The following CNTLN variants were observed in gnomAD, a reference collection of about 807,000 sequenced individuals.
The protein encoded by CNTLN is centlein, centrosomal protein.
A neutral mutation model predicts 180.0 loss-of-function variants in CNTLN; 212 were observed. The ratio of observed to expected loss-of-function variants is 1.18; its 90% CI spans 1.05 to 1.32. The LOEUF is 1.32. Among genes scored for constraint, CNTLN ranks in the 40% most tolerant of loss-of-function variants. CNTLN has a pLI of 0.00. For synonymous variants in CNTLN, 722 were observed against 563.1 expected, an observed-to-expected ratio of 1.28 and a Z score of -3.99; for missense variants, 2,095 against 1,610.9, an observed-to-expected ratio of 1.30 and a Z score of -5.14.
chr9:17,178,299 C>G (rs1345172944), intron 2 of CNTLN, among the ~76,000 whole-genome samples: 1 of 152,202 alleles, frequency 6.6e-6, no homozygotes, highest in African/African-American at 2.4e-5. Flanking sequence ...CTTAGCTAGA[C>G]ATAAAGGTTC....
At chr9:17,203,574 T>C (rs528239323) in intron 2 of CNTLN, among the ~76,000 whole-genome samples, 1 of 152,248 alleles carries the variant, frequency 6.6e-6, no homozygotes, top group East Asian at 1.9e-4. Context: ...GTTTGTTTTT[T>C]GAGACAGAGT....
rs559187052 is a variant in CNTLN, at chr9:17,135,356, G to A, written c.291G>A (p.Ala97=). 38 of 1,601,032 alleles carry A rather than the reference G, an allele frequency of 2.4e-5. No homozygotes were observed. In the East Asian group the frequency reaches 7.9e-4, roughly 33 times the overall value. The part of the protein sequence containing the change: ...RRLEGISVEE[A]MVTRTQLLEE... ...TAGAGGGCATCTCGGTAGAGGAGGCGATGGTGACCCGGACGCAGCTGCTGG... is the reference window on the plus strand; with the variant it reads ...TAGAGGGCATCTCGGTAGAGGAGGCAATGGTGACCCGGACGCAGCTGCTGG... Residue 97 remains alanine, a synonymous_variant, in exon 1 of 26, where the codon GCG becomes GCA. Coordinates refer to ENST00000380647, the MANE Select transcript of CNTLN (RefSeq NM_017738.4).
chr9:17,416,878 A>G (rs1391437641), intron 18 of CNTLN, among the ~76,000 whole-genome samples: 1 of 151,466 alleles, frequency 6.6e-6, no homozygotes, highest in East Asian at 1.9e-4. Flanking sequence ...TTGCACAGAA[A>G]AATTTATTTC....
Position 17,466,922 on chromosome 9 carries a change from A to C in CNTLN, c.3855+31A>C, listed in dbSNP as rs557790361. The C allele has an allele frequency of 1.9e-6, 3 of 1,560,786 alleles. No homozygotes were observed. The East Asian group carries it at 6.8e-5, about 35-fold the overall frequency. ...AATTACTTGTCGTTTACTAACTTGT[A>C]CTTTACTTTAGGCAGATAGGCAGTA... On this transcript the variant is annotated intron_variant, in intron 23 of 25. Transcript: ENST00000380647.
intron 2 of CNTLN, among the ~76,000 whole-genome samples, chr9:17,172,169 C>T (rs541553756): frequency 3.3e-5 from 5 of 152,090 alleles, no homozygotes; most frequent in African/African-American, 9.6e-5. Context: ...GTGAAAGCTG[C>T]TGGTGTCCTC....
intron 7 of CNTLN, 103 bp from the exon 8 acceptor site, chr9:17,308,955 G>C (rs1441837394): frequency 4.7e-6 from 3 of 642,586 alleles, no homozygotes; most frequent in African/African-American, 2.0e-5. Context: ...CAAGAACTGT[G>C]TTTATACAGT....
At chr9:17,211,289 G>A (rs10962905) in intron 2 of CNTLN, among the ~76,000 whole-genome samples, 3 of 151,856 alleles carry the variant, frequency 2.0e-5, no homozygotes, top group Non-Finnish European at 2.9e-5. Context: ...GCCAGTTTTC[G>A]CAGCACCATT....
At chr9:17,466,649 C>T in intron 22 of CNTLN, 57 bp from the exon 23 acceptor site, 2 of 1,412,598 alleles carry the variant, frequency 1.4e-6, no homozygotes, top group South Asian at 1.3e-5. Flanking sequence ...GTATAACTAA[C>T]TCTTCCAAAT....
At chr9:17,469,687 A>G (rs1364489188) in intron 23 of CNTLN, among the ~76,000 whole-genome samples, 2 of 151,776 alleles carry the variant, frequency 1.3e-5, no homozygotes, top group African/African-American at 4.8e-5. Context: ...TTTCACCCAT[A>G]TTGTGCTTAC....
At chr9:17,281,304 C>A (rs1163650601) in intron 6 of CNTLN, among the ~76,000 whole-genome samples, 1 of 151,798 alleles carries the variant, frequency 6.6e-6, no homozygotes, top group African/African-American at 2.4e-5. Context: ...TTTCAAGTTC[C>A]AGGATACACG....
chr9:17,469,390 A>G (rs1831930747), intron 23 of CNTLN, among the ~76,000 whole-genome samples: 1 of 151,742 alleles, frequency 6.6e-6, no homozygotes, highest in African/African-American at 2.4e-5. Flanking sequence ...TTTTTCAAAT[A>G]TAGGGCCACC....
intron 19 of CNTLN, 73 bp downstream of exon 19, chr9:17,457,788 C>T: frequency 1.1e-6 from 1 of 872,320 alleles, no homozygotes; most frequent in Middle Eastern, 2.5e-4. Flanking sequence ...TATATGAACA[C>T]TAATTTATTC....
chr9:17,341,525 C>A (rs1821479776), intron 11 of CNTLN, among the ~76,000 whole-genome samples: 1 of 151,960 alleles, frequency 6.6e-6, no homozygotes, highest in Non-Finnish European at 1.5e-5. Flanking sequence ...TAAGTGGCTC[C>A]CCTGTTAACT....
chr9:17,202,646 G>GT (rs57960408), intron 2 of CNTLN, among the ~76,000 whole-genome samples: 2,902 of 71,112 alleles, frequency 0.041, 85 homozygotes, highest in Non-Finnish European at 0.045. Flanking sequence ...TGCAACCTCT[G>GT]TTTTTTTTTT....
chr9:17,435,742 T>C (rs1829733563), intron 18 of CNTLN, among the ~76,000 whole-genome samples: 1 of 152,138 alleles, frequency 6.6e-6, no homozygotes, highest in African/African-American at 2.4e-5. Context: ...TTTGTATTTT[T>C]AGTAGAGACA....
chr9:17,329,985 G>A (rs1820539290), intron 8 of CNTLN, among the ~76,000 whole-genome samples: 1 of 151,926 alleles, frequency 6.6e-6, no homozygotes, highest in African/African-American at 2.4e-5. Flanking sequence ...CAGTGGAGAT[G>A]GTAGTCAAAT....
chr9:17,234,750 C>T (rs1825032349), intron 3 of CNTLN, among the ~76,000 whole-genome samples: 1 of 152,048 alleles, frequency 6.6e-6, no homozygotes, highest in Admixed American at 6.6e-5. Context: ...TTGAGTCTGA[C>T]TTGGAGGCTT....
At position 17,481,515 on chromosome 9, in the gene CNTLN, A is replaced by C. The variant is rs1014839650; in HGVS notation, c.3856-2780A>C. 5.9e-5 allele frequency among the ~76,000 whole-genome samples: 9 copies of C among 152,258 alleles called. No individual in the cohort carries two copies. The South Asian group carries it at 6.2e-4, about 11-fold the overall frequency. ...GCAAAGCCAGTAGTCCTGTCCAGAG[A>C]GAGAACCAAGCCAATGACCCCACCC... On this transcript the variant is annotated intron_variant, in intron 23 of 25. Transcript: ENST00000380647.
intron 23 of CNTLN, among the ~76,000 whole-genome samples, chr9:17,479,630 C>A (rs990294969): frequency 6.6e-6 from 1 of 151,994 alleles, no homozygotes; most frequent in African/African-American, 2.4e-5. Flanking sequence ...TACATATAGT[C>A]AACAATGATG....
Sources: allele counts gnomAD v4.1 joint callset (sites outside exome capture counted in the v4.1 genomes callset), GRCh38; gene constraint gnomAD v4.1.1; transcripts MANE v1.5; gene names NCBI Gene and HGNC (gene_info 2026-07-23, HGNC 2026-07-21).